Variants in KHDRBS2 observed in about 807,000 individuals in gnomAD.
KHDRBS2 encodes KH domain-containing, RNA-binding, signal transduction-associated protein 2.
Under a neutral mutation model 44.3 loss-of-function variants are expected in KHDRBS2, and 26 were observed. That is an observed-to-expected ratio of 0.59 (90% CI 0.43 to 0.81). The LOEUF is 0.81. Among genes scored for constraint, KHDRBS2 ranks in the 40% least tolerant of loss-of-function variants. KHDRBS2 has a pLI of 0.00. For missense variants in KHDRBS2, 476 were observed against 433.1 expected (o/e 1.10, Z -0.88); for synonymous variants, 194 against 151.1 (o/e 1.28, Z -2.08).
intron 2 of KHDRBS2, among the ~76,000 whole-genome samples, chr6:62,072,645 A>G (rs1223942761): frequency 6.6e-6 from 1 of 152,120 alleles, no homozygotes; most frequent in Non-Finnish European, 1.5e-5. Flanking sequence ...GATTACATTT[A>G]TTGATTTGCA....
rs190691812 is a variant in KHDRBS2 at position 62,096,598 on chromosome 6, G to A, written c.220-48604C>T. ...TTTTTTATCTCTGATTTTATTTATCGGAGTCTTCTCATTTTCTTAGGCTTG... is the reference window on the plus strand; with the variant it reads ...TTTTTTATCTCTGATTTTATTTATCAGAGTCTTCTCATTTTCTTAGGCTTG... On this transcript the variant is annotated intron_variant, in intron 2 of 8. Transcript: ENST00000281156. Among the ~76,000 whole-genome samples, 609 of 151,506 alleles carry A rather than the reference G, an allele frequency of 4.0e-3. 3 individuals are homozygous for A. The highest frequency in any genetic ancestry group is 7.2e-3 in the Non-Finnish European group (485 of 67,698).
rs528054673 is a variant in KHDRBS2 at position 61,719,290 on chromosome 6, A to G, written c.893+13392T>C. 3.3e-5 allele frequency among the ~76,000 whole-genome samples: 5 copies of G among 152,282 alleles called. No individual in the cohort carries two copies. The South Asian group carries it at 8.3e-4, about 25-fold the overall frequency. On this transcript the variant is annotated intron_variant, in intron 7 of 8. Transcript: ENST00000281156. ...TTTGGCTTTTATTTGCAATATTGCCACTTGTATCTAAGTAAATGAAAACCA... is the reference window on the plus strand; with the variant it reads ...TTTGGCTTTTATTTGCAATATTGCCGCTTGTATCTAAGTAAATGAAAACCA...
chr6:61,967,932 G>GTATATATATATATA (rs369326330), intron 4 of KHDRBS2, among the ~76,000 whole-genome samples: 64 of 116,968 alleles, frequency 5.5e-4, no homozygotes, highest in African/African-American at 2.2e-3. Context: ...ATACACACAC[G>GTATATATATATATA]TATATATATA....
At chr6:61,939,102 A>G (rs1811611199) in intron 4 of KHDRBS2, among the ~76,000 whole-genome samples, 1 of 148,358 alleles carries the variant, frequency 6.7e-6, no homozygotes, top group South Asian at 2.1e-4. Flanking sequence ...AACATAGCCT[A>G]CAGTGCACTG....
At chr6:61,699,095 A>G (rs905779852) in intron 7 of KHDRBS2, among the ~76,000 whole-genome samples, 18 of 151,962 alleles carry the variant, frequency 1.2e-4, no homozygotes, top group African/African-American at 3.9e-4. Flanking sequence ...CATTTATTTC[A>G]TTTATTCATT....
chr6:62,091,482 T>C (rs1799489699), intron 2 of KHDRBS2, among the ~76,000 whole-genome samples: 1 of 152,146 alleles, frequency 6.6e-6, no homozygotes. Context: ...GGGGCAGTCA[T>C]TCCACAGTGA....
rs1441108026 is a variant in KHDRBS2, at chr6:62,256,210, C to T, written c.91+29648G>A. 5.3e-5 allele frequency among the ~76,000 whole-genome samples: 8 copies of T among 152,042 alleles called. No homozygotes were observed. The South Asian group carries it at 1.7e-3, about 32-fold the overall frequency. ...AAATATTTTAGATTTTGAGTCCCAG[C>T]TACAGGGTCCACCTCTGCCCCGACA... On this transcript the variant is annotated intron_variant, in intron 1 of 8. Coordinates refer to ENST00000281156, the MANE Select transcript of KHDRBS2 (RefSeq NM_152688.4).
rs368179985 is a variant in KHDRBS2, at chr6:62,082,183, G to C, written c.220-34189C>G. ...AGGACTGGGGCTGGATTACTGCCCAGTTAATCTGACTTCCAGACTAAGAAA... is the reference window on the plus strand; with the variant it reads ...AGGACTGGGGCTGGATTACTGCCCACTTAATCTGACTTCCAGACTAAGAAA... On this transcript the variant is annotated intron_variant, in intron 2 of 8. Transcript: ENST00000281156. Among the ~76,000 whole-genome samples, 14 of 152,168 alleles carry C rather than the reference G, an allele frequency of 9.2e-5. 1 individual carries two copies. Among genetic ancestry groups the C allele is most frequent in the African/African-American group, 3.4e-4 (14 of 41,536 alleles).
chr6:62,243,959 T>G (rs1368097668), intron 1 of KHDRBS2, among the ~76,000 whole-genome samples: 1 of 152,196 alleles, frequency 6.6e-6, no homozygotes, highest in African/African-American at 2.4e-5. Flanking sequence ...TTTTGAATTT[T>G]CTAGAGTATA....
chr6:62,033,948 G>T (rs543543103), intron 3 of KHDRBS2, among the ~76,000 whole-genome samples: 3 of 149,870 alleles, frequency 2.0e-5, no homozygotes, highest in South Asian at 4.3e-4. Context: ...GAGAGAGAAG[G>T]TCCAAATAAA....
At chr6:61,861,909 T>C (rs1413566403) in intron 6 of KHDRBS2, among the ~76,000 whole-genome samples, 1 of 152,178 alleles carries the variant, frequency 6.6e-6, no homozygotes, top group Non-Finnish European at 1.5e-5. Flanking sequence ...TTTGTAGTTC[T>C]CCTTGAAGAA....
intron 2 of KHDRBS2, among the ~76,000 whole-genome samples, chr6:62,121,180 C>T (rs1807542946): frequency 6.6e-6 from 1 of 152,174 alleles, no homozygotes; most frequent in South Asian, 2.1e-4. Flanking sequence ...CTGGCAGAAT[C>T]CCCACATTGG....
Position 61,732,738 on chromosome 6 carries a change from T to C in KHDRBS2, c.837A>G (p.Glu279=). 2 of 1,610,006 alleles carry C rather than the reference T, an allele frequency of 1.2e-6. No homozygotes were observed. Among genetic ancestry groups the C allele is most frequent in the Non-Finnish European group, 1.7e-6 (2 of 1,176,348 alleles). The change falls in exon 7 of 9, where the codon GAA becomes GAG. Residue 279 remains glutamate, a synonymous_variant. Coordinates refer to ENST00000281156, the MANE Select transcript of KHDRBS2 (RefSeq NM_152688.4). ...EYGYDDGYGG[E]YDDQTYETYD... Reference sequence around the variant, plus strand: ...AAGTCTCATAGGTCTGGTCATCATATTCACCCCCGTAGCCATCATCATAAC... The same window carrying C: ...AAGTCTCATAGGTCTGGTCATCATACTCACCCCCGTAGCCATCATCATAAC...
At chr6:61,610,482 T>C in the KHDRBS2 span, among the ~76,000 whole-genome samples, 5 of 152,200 alleles carry the variant, frequency 3.3e-5, no homozygotes, top group Non-Finnish European at 7.3e-5. Context: ...GAATCTCTTA[T>C]GGCTTTGCAA....
chr6:62,095,026 T>C, intron 2 of KHDRBS2, among the ~76,000 whole-genome samples: 1 of 151,986 alleles, frequency 6.6e-6, no homozygotes, highest in Admixed American at 6.6e-5. Flanking sequence ...TTGCTCAGAA[T>C]TGCTTTGGCT....
At chr6:62,114,113 G>T (rs902032947) in intron 2 of KHDRBS2, among the ~76,000 whole-genome samples, 4 of 152,000 alleles carry the variant, frequency 2.6e-5, no homozygotes, top group African/African-American at 7.2e-5. Context: ...CAGCATGAGG[G>T]TCACTGCCCC....
chr6:62,116,757 T>A, intron 2 of KHDRBS2, among the ~76,000 whole-genome samples: 1 of 152,152 alleles, frequency 6.6e-6, no homozygotes, highest in Non-Finnish European at 1.5e-5. Context: ...TTCATTTTCT[T>A]TTCTGCGCCC....
the KHDRBS2 span, among the ~76,000 whole-genome samples, chr6:61,565,092 T>C: frequency 6.6e-6 from 1 of 152,062 alleles, no homozygotes; most frequent in Non-Finnish European, 1.5e-5. Context: ...CAACAAATGG[T>C]GCTAGGAAAA....
intron 4 of KHDRBS2, among the ~76,000 whole-genome samples, chr6:61,924,300 T>C (rs1407334703): frequency 6.6e-6 from 1 of 152,090 alleles, no homozygotes; most frequent in Non-Finnish European, 1.5e-5. Context: ...AAGTGGGCCA[T>C]GGTAATAGCT....
Sources: gnomAD v4.1 joint callset for allele counts (sites outside exome capture counted in the v4.1 genomes callset) on GRCh38, gnomAD v4.1.1 for gene constraint, MANE v1.5 for transcripts, NCBI Gene and HGNC (gene_info 2026-07-23, HGNC 2026-07-21) for gene names.